Variants in FGD5 observed in about 807,000 individuals in gnomAD.
FGD5 encodes the protein FYVE, RhoGEF and PH domain-containing protein 5.
FGD5 carries 28 observed loss-of-function variants against 133.4 expected under a neutral mutation model. That is an observed-to-expected ratio of 0.21 (90% CI 0.16 to 0.29). The LOEUF (loss-of-function observed/expected upper bound fraction) is 0.29. FGD5 is among the 10% of genes least tolerant of loss of function. FGD5 has a pLI of 1.00. For synonymous variants in FGD5, 810 were observed against 776.5 expected, an observed-to-expected ratio of 1.04 and a Z score of -0.72; for missense variants, 1,858 against 1,895.2, an observed-to-expected ratio of 0.98 and a Z score of 0.36.
chr3:14,909,297 A>G (rs1370262669), intron 10 of FGD5, among the ~76,000 whole-genome samples: 1 of 152,210 alleles, frequency 6.6e-6, no homozygotes, highest in Non-Finnish European at 1.5e-5. Context: ...CAAAAACACA[A>G]CAGAATACTT....
chr3:14,829,908 A>AT lies in FGD5; in HGVS notation c.2525+8320dup, dbSNP rs201002688. Among the ~76,000 whole-genome samples the AT allele has an allele frequency of 1.1e-3, 160 of 152,086 alleles. 3 individuals carry two copies. The East Asian group carries it at 0.022, about 21-fold the overall frequency. ...AGAGAGTGAAACCTGACTTTTATGTATTTTTTTTACTACCGTAGACAGCGC... is the reference window on the plus strand; with the variant it reads ...AGAGAGTGAAACCTGACTTTTATGTATTTTTTTTTACTACCGTAGACAGCGC... On this transcript the variant is annotated intron_variant, in intron 1 of 19. Transcript: ENST00000285046.
rs866954704 is a variant in FGD5 at position 14,820,620 on chromosome 3, G to A, written c.1549G>A (p.Glu517Lys). 1.2e-6 allele frequency: 2 copies of A among 1,605,412 alleles called. No homozygotes were observed. The highest frequency in any genetic ancestry group is 2.2e-5 in the South Asian group (2 of 89,546). Residue 517 changes from glutamate to lysine, a missense_variant, in exon 1 of 20, where the codon GAG (glutamate) becomes AAG (lysine). By Grantham distance (56) the Glu-to-Lys change is moderately conservative (BLOSUM62 1). This residue lies in a region of FGD5 where 1,824 missense variants were observed against 1,848.9 expected (regional missense o/e 0.99). Coordinates refer to ENST00000285046, the MANE Select transcript of FGD5 (RefSeq NM_152536.4). ...SSAPGIGGAA[E>K]EVGKTLLSLE... ...AGCCCCTGGCATTGGAGGTGCCGCA[G>A]AGGAGGTGGGAAAGACGCTTTTGTC...
At chr3:14,840,495 A>G (rs1387175401) in intron 1 of FGD5, among the ~76,000 whole-genome samples, 1 of 151,404 alleles carries the variant, frequency 6.6e-6, no homozygotes, top group Non-Finnish European at 1.5e-5. Context: ...TTTTCTAGAC[A>G]TAAATGGAAG....
At chr3:14,850,181 G>A (rs1055607179) in intron 1 of FGD5, among the ~76,000 whole-genome samples, 3 of 152,200 alleles carry the variant, frequency 2.0e-5, no homozygotes, top group Non-Finnish European at 2.9e-5. Flanking sequence ...AGAAAGATGC[G>A]TCTGAGTTTC....
intron 1 of FGD5, among the ~76,000 whole-genome samples, chr3:14,844,533 G>A (rs2037007538): frequency 6.6e-6 from 1 of 151,738 alleles, no homozygotes; most frequent in Non-Finnish European, 1.5e-5. Context: ...CTGTGTTTGT[G>A]CAAAGGAAGG....
intron 1 of FGD5, among the ~76,000 whole-genome samples, chr3:14,822,280 C>A (rs986091187): frequency 6.6e-6 from 1 of 152,126 alleles, no homozygotes; most frequent in South Asian, 2.1e-4. Context: ...CTGAGACAGT[C>A]ACCAAGACAG....
chr3:14,819,124 C>T lies in FGD5; in HGVS notation c.53C>T (p.Pro18Leu). 1 of 1,550,940 alleles carries T rather than the reference C, an allele frequency of 6.4e-7. No homozygotes were observed. Among genetic ancestry groups the T allele is most frequent in the Non-Finnish European group, 8.7e-7 (1 of 1,147,014 alleles). ...GCCCCCAAGCCCAGGCTGACTGCCC[C>T]AAACGAGTGGAGAGCCAGTGTGTAC... ...PIAPKPRLTA[P>L]NEWRASVYLN... The change falls in exon 1 of 20, where the codon CCA (proline) becomes CTA (leucine). Residue 18 changes from proline (P) to leucine (L), a missense_variant. This residue lies in a region of FGD5 where 29 missense variants were observed against 27.6 expected (regional missense o/e 1.05). Coordinates refer to ENST00000285046, the MANE Select transcript of FGD5 (RefSeq NM_152536.4). This position sits in a 1 kb window ranked among gnomAD's most constrained non-coding sequence, Gnocchi z 4.1.
upstream of FGD5, chr3:14,810,778 G>A: frequency 2.0e-6 from 2 of 981,118 alleles, no homozygotes; most frequent in Non-Finnish European, 1.2e-6. Context: ...GCGGAGGGAG[G>A]CGGTGTGCGG....
chr3:14,909,542 G>A (rs769099369), intron 10 of FGD5, among the ~76,000 whole-genome samples: 44 of 152,178 alleles, frequency 2.9e-4, no homozygotes, highest in Non-Finnish European at 5.3e-4. Context: ...ACAGATAACC[G>A]AAGTCTTTTG....
upstream of FGD5, among the ~76,000 whole-genome samples, chr3:14,817,012 G>C (rs2036379331): frequency 6.6e-6 from 1 of 152,152 alleles, no homozygotes. Context: ...TGTGGCTCGT[G>C]AGCAGGTAAA....
intron 1 of FGD5, among the ~76,000 whole-genome samples, chr3:14,840,189 A>T (rs1390143509): frequency 1.3e-5 from 2 of 151,106 alleles, no homozygotes; most frequent in Non-Finnish European, 2.9e-5. Context: ...GTTGCCCAGG[A>T]TACAGTGTGC....
At chr3:14,825,791 AC>A (rs1395705864) in intron 1 of FGD5, among the ~76,000 whole-genome samples, 1 of 152,124 alleles carries the variant, frequency 6.6e-6, no homozygotes, top group Non-Finnish European at 1.5e-5. Context: ...TAAGTCACTG[AC>A]CAGTAGTCTT....
intron 2 of FGD5, among the ~76,000 whole-genome samples, chr3:14,864,480 C>T (rs2125104931): frequency 6.6e-6 from 1 of 152,300 alleles, no homozygotes. Context: ...TGCCGGTATT[C>T]TCTGGAGTCT....
chr3:14,845,298 C>A (rs1349558431), intron 1 of FGD5, among the ~76,000 whole-genome samples: 1 of 152,172 alleles, frequency 6.6e-6, no homozygotes, highest in East Asian at 1.9e-4. Context: ...CACATCGACC[C>A]CTAACTTATT....
chr3:14,875,552 C>A (rs1477265179), intron 2 of FGD5, among the ~76,000 whole-genome samples: 4 of 152,160 alleles, frequency 2.6e-5, no homozygotes, highest in Non-Finnish European at 5.9e-5. Flanking sequence ...CAGCCCTGAG[C>A]TGAGCCACAG....
intron 6 of FGD5, 53 bp downstream of exon 6, chr3:14,898,148 G>A: frequency 6.2e-7 from 1 of 1,607,426 alleles, no homozygotes; most frequent in South Asian, 1.1e-5. Flanking sequence ...GGGTTGAGGT[G>A]GGCGAAGGGC....
intron 1 of FGD5, among the ~76,000 whole-genome samples, chr3:14,812,001 GGTGTGTGT>G (rs10644004): frequency 1.2e-4 from 17 of 145,656 alleles, no homozygotes; most frequent in East Asian, 6.1e-4. Context: ...ATATCCTGCT[GGTGTGTGT>G]GTGTGTGTGT....
chr3:14,839,956 A>ACAAACAAG (rs1212341487), intron 1 of FGD5, among the ~76,000 whole-genome samples: 1 of 151,610 alleles, frequency 6.6e-6, no homozygotes, highest in Non-Finnish European at 1.5e-5. Flanking sequence ...AAACAAACAA[A>ACAAACAAG]CAAACAAACA....
intron 1 of FGD5, among the ~76,000 whole-genome samples, chr3:14,857,137 A>G (rs1228508851): frequency 6.7e-6 from 1 of 150,256 alleles, no homozygotes; most frequent in African/African-American, 2.4e-5. Flanking sequence ...TCTTGAAATA[A>G]TGGTTAGAAA....
Sources: allele counts gnomAD v4.1 joint callset (sites outside exome capture counted in the v4.1 genomes callset), GRCh38; gene constraint gnomAD v4.1.1; regional missense constraint gnomAD v4.1.1; non-coding constraint Gnocchi (gnomAD v3.1); transcripts MANE v1.5; gene names NCBI Gene and HGNC (gene_info 2026-07-23, HGNC 2026-07-21).